Variants in RADX observed in about 807,000 individuals in gnomAD.
The protein encoded by RADX is RPA1 related single stranded DNA binding protein, X-linked.
A neutral mutation model predicts 61.6 loss-of-function variants in RADX; 36 were observed. The ratio of observed to expected loss-of-function variants is 0.58; its 90% confidence interval spans 0.45 to 0.77. The LOEUF (loss-of-function observed/expected upper bound fraction) is 0.77. RADX is among the 30% of genes least tolerant of loss of function. The pLI, the probability that RADX is intolerant of heterozygous loss-of-function variation, is 0.00. For missense variants in RADX, 497 were observed against 651.1 expected (o/e 0.76, Z 2.58); for synonymous variants, 272 against 237.9 (o/e 1.14, Z -1.32).
Position 106,637,507 on chromosome X carries a change from A to G in RADX, c.1409-253A>G, listed in dbSNP as rs561013650. Among the ~76,000 whole-genome samples, 23 of 112,020 alleles carry G rather than the reference A, an allele frequency of 2.1e-4. No individual in the cohort carries two copies. In the South Asian group the frequency reaches 7.8e-3, roughly 38 times the overall value. On this transcript the variant is annotated intron_variant, in intron 7 of 13. Transcript: ENST00000372548. Reference sequence around the variant, plus strand: ...AGTTTTTCTTCTTCCTGTGATTTCTAGCATCTTATAGCTAGCTACAGTTTA... The same window carrying G: ...AGTTTTTCTTCTTCCTGTGATTTCTGGCATCTTATAGCTAGCTACAGTTTA...
chrX:106,638,558 G>A (rs987402803), intron 8 of RADX: 1 of 112,306 alleles, frequency 8.9e-6, no homozygotes, highest in Non-Finnish European at 1.9e-5. Flanking sequence ...CACCGCGCCC[G>A]GCCTAACCTG....
In RADX at chrX:106,632,970, A is replaced by T. The variant is rs1927270354; in HGVS notation, c.1127A>T (p.Asp376Val). The T allele has an allele frequency of 8.3e-7, 1 of 1,208,630 alleles. No individual in the cohort carries two copies. The highest frequency in any genetic ancestry group is 1.7e-5 in the African/African-American group (1 of 57,227). ...GATATGCCAGAAAATTGCATCTGTG[A>T]TGTTATTGGCCTTTTAGTTTTTGTA... ...LDDMPENCIC[D>V]VIGLLVFVGR... The change falls in exon 5 of 14, where the codon GAT becomes GTT. Residue 376 changes from aspartate to valine, a missense_variant. By Grantham distance (152) the Asp-to-Val change is radical (BLOSUM62 -3). Coordinates refer to ENST00000372548, the MANE Select transcript of RADX (RefSeq NM_018015.6).
chrX:106,668,790 C>T (rs1000795130), intron 12 of RADX, among the ~76,000 whole-genome samples: 1 of 111,621 alleles, frequency 9.0e-6, no homozygotes, highest in Admixed American at 9.5e-5. Flanking sequence ...AATAAGGGAA[C>T]GAATAGTCAT....
At chrX:106,623,701 TGA>T (rs750024713) in intron 2 of RADX, among the ~76,000 whole-genome samples, 9 of 111,559 alleles carry the variant, frequency 8.1e-5, no homozygotes, top group Admixed American at 7.7e-4. Context: ...ATATTTCATG[TGA>T]GTGTGTATAT....
At chrX:106,659,211 C>T (rs1488266696) in intron 11 of RADX, among the ~76,000 whole-genome samples, 2 of 111,811 alleles carry the variant, frequency 1.8e-5, no homozygotes, top group African/African-American at 6.5e-5. Context: ...GAACTCCCGG[C>T]CTCAAGCAGT....
At chrX:106,637,971 T>G (rs760301890) in intron 8 of RADX, 47 bp downstream of exon 8, 4 of 1,015,014 alleles carry the variant, frequency 3.9e-6, no homozygotes, top group Admixed American at 4.4e-5. Flanking sequence ...ATATTTTATA[T>G]GTATGGCTTA....
chrX:106,676,834 G>A (rs1316589937), intron 13 of RADX, among the ~76,000 whole-genome samples: 4 of 111,977 alleles, frequency 3.6e-5, no homozygotes, highest in Non-Finnish European at 7.5e-5. Flanking sequence ...CCACAGATGA[G>A]TGATTAGAGT....
At position 106,612,026 on chromosome X, in the gene RADX, T is replaced by C; in HGVS notation, c.-55T>C. 1.7e-6 allele frequency: 2 copies of C among 1,151,464 alleles called. No homozygotes were observed. The highest frequency in any genetic ancestry group is 3.0e-5 in the East Asian group (1 of 33,434). The allele number at this position is 1,151,464 out of a possible 1,213,427, so 94.9% of individuals were successfully genotyped here. On this transcript the variant is annotated 5_prime_UTR_variant, in exon 1 of 14. Transcript: ENST00000372548. ...AGCGCGCGGTTTTATTTCTCTCCGC[T>C]TTGGACGGGGCAAACTAGCTTTTGG...
chrX:106,629,584 C>G (rs988808122), intron 3 of RADX, among the ~76,000 whole-genome samples: 1 of 111,523 alleles, frequency 9.0e-6, no homozygotes, highest in African/African-American at 3.3e-5. Flanking sequence ...AGGCATACAT[C>G]ATATTATAGA....
chrX:106,648,516 T>A (rs1239768551), intron 11 of RADX, 130 bp downstream of exon 11: 2 of 449,455 alleles, frequency 4.4e-6, no homozygotes, highest in African/African-American at 2.5e-5. Flanking sequence ...TAATATTAGC[T>A]TAGGTCACTG....
At chrX:106,620,479 C>T (rs1007336043) in intron 1 of RADX, among the ~76,000 whole-genome samples, 1 of 110,318 alleles carries the variant, frequency 9.1e-6, no homozygotes, top group Non-Finnish European at 1.9e-5. Context: ...TCGAGACCAG[C>T]CTGGCCAACA....
intron 2 of RADX, among the ~76,000 whole-genome samples, chrX:106,623,753 A>G (rs924037398): frequency 4.5e-5 from 5 of 111,682 alleles, no homozygotes; most frequent in African/African-American, 1.6e-4. Flanking sequence ...TGGGAACCAT[A>G]TTGTGCATAC....
chrX:106,633,560 G>A (rs1396274344), intron 6 of RADX, among the ~76,000 whole-genome samples: 2 of 111,326 alleles, frequency 1.8e-5, no homozygotes, highest in African/African-American at 6.5e-5. Flanking sequence ...TAAAACATGG[G>A]CAGTCAATTC....
intron 10 of RADX, among the ~76,000 whole-genome samples, chrX:106,648,112 T>A (rs1927707933): frequency 9.0e-6 from 1 of 111,649 alleles, no homozygotes; most frequent in Non-Finnish European, 1.9e-5. Flanking sequence ...AAAATTTAAA[T>A]CTATTGCAGT....
At chrX:106,673,431 T>A (rs1454072929) in intron 13 of RADX, among the ~76,000 whole-genome samples, 2 of 110,561 alleles carry the variant, frequency 1.8e-5, no homozygotes, top group African/African-American at 6.6e-5. Flanking sequence ...ATCTGGGAGC[T>A]AAGGCCCGAA....
intron 12 of RADX, among the ~76,000 whole-genome samples, chrX:106,664,937 GTC>G (rs940384789): frequency 5.4e-5 from 6 of 111,037 alleles, no homozygotes; most frequent in Admixed American, 4.8e-4. Flanking sequence ...AGTATACATT[GTC>G]TATACTTCAA....
At position 106,662,100 on chromosome X, in the gene RADX, A is replaced by G; in HGVS notation, c.2064A>G (p.Lys688=). Residue 688 remains lysine, a synonymous_variant, in exon 12 of 14, where the codon AAA becomes AAG. Transcript: ENST00000372548. ...DRWESQLWRE[K]KFGLIDHLHY... ...GGGAGAGTCAGCTGTGGAGAGAGAAAAAGTTTGGCTTAATAGATCACCTAC... is the reference window on the plus strand; with the variant it reads ...GGGAGAGTCAGCTGTGGAGAGAGAAGAAGTTTGGCTTAATAGATCACCTAC... 10 of 1,210,588 alleles carry G rather than the reference A, an allele frequency of 8.3e-6. No individual in the cohort carries two copies. Among genetic ancestry groups the G allele is most frequent in the Non-Finnish European group, 1.1e-5 (10 of 894,672 alleles).
At chrX:106,613,715 G>A (rs1480434465) in intron 1 of RADX, among the ~76,000 whole-genome samples, 1 of 111,622 alleles carries the variant, frequency 9.0e-6, no homozygotes, top group African/African-American at 3.3e-5. Context: ...AAGGAAAAAA[G>A]ATGTTATAGA....
At chrX:106,633,768 T>C (rs761293793) in intron 6 of RADX, among the ~76,000 whole-genome samples, 1 of 112,000 alleles carries the variant, frequency 8.9e-6, no homozygotes, top group African/African-American at 3.2e-5. Context: ...TTACTTTGGC[T>C]TACTTTGGCA....
Sources: allele counts gnomAD v4.1 joint callset (sites outside exome capture counted in the v4.1 genomes callset), GRCh38; gene constraint gnomAD v4.1.1; transcripts MANE v1.5; gene names NCBI Gene and HGNC (gene_info 2026-07-23, HGNC 2026-07-21).